Variants in FAT2 observed in about 807,000 individuals in gnomAD.
FAT2 encodes FAT atypical cadherin 2, also known as protocadherin Fat 2.
In FAT2, 150 loss-of-function variants were observed where a neutral mutation model predicts 295.3. The observed-to-expected ratio is 0.51, with a 90% confidence interval of 0.44 to 0.58. FAT2 has a LOEUF of 0.58. FAT2 is among the 20% of genes least tolerant of loss of function. The probability of loss-of-function intolerance (pLI) is 0.00; values close to 1 mark genes in which losing one functional copy is unlikely to be tolerated. For missense variants in FAT2, 4,868 were observed against 5,442.7 expected, an observed-to-expected ratio of 0.89 and a Z score of 3.32; for synonymous variants, 2,026 against 2,150.3, an observed-to-expected ratio of 0.94 and a Z score of 1.60.
chr5:151,517,890 A>T (rs1019522487), intron 19 of FAT2, 125 bp from the exon 20 acceptor site: 123 of 1,208,684 alleles, frequency 1.0e-4, no homozygotes, highest in Non-Finnish European at 1.4e-4. Context: ...ATACATGAAG[A>T]AACTAGGCTG....
rs2127610654 is a variant in FAT2 at position 151,544,846 on chromosome 5, G to A, written c.6281C>T (p.Ala2094Val). Residue 2094 changes from alanine to valine, a missense_variant, in exon 10 of 24, where the codon GCC (alanine) becomes GTC (valine). By Grantham distance (64) the Ala-to-Val change is moderately conservative. Transcript: ENST00000261800. ...ATTTGTCCCCAAGTCCTCATCAGTG[G>A]CAGATACCTGAAAGAGGACATCCCC... ...EPGDVLFQVS[A>V]TDEDLGTNGA... 1.9e-6 allele frequency: 3 copies of A among 1,614,172 alleles called. No homozygotes were observed. The highest frequency in any genetic ancestry group is 1.7e-5 in the Admixed American group (1 of 60,016).
At chr5:151,547,182 T>C (rs1455564760) in intron 9 of FAT2, among the ~76,000 whole-genome samples, 1 of 152,042 alleles carries the variant, frequency 6.6e-6, no homozygotes, top group South Asian at 2.1e-4. Context: ...TAAAAAGAAG[T>C]CAAAGAAAAA....
intron 1 of FAT2, among the ~76,000 whole-genome samples, chr5:151,573,850 A>G (rs1436761090): frequency 1.3e-5 from 2 of 152,120 alleles, no homozygotes; most frequent in African/African-American, 4.8e-5. Context: ...TAGTTGTAAC[A>G]TTCATGTCTT....
chr5:151,591,920 G>T (rs1393176312), upstream of FAT2, among the ~76,000 whole-genome samples: 1 of 152,124 alleles, frequency 6.6e-6, no homozygotes, highest in Non-Finnish European at 1.5e-5. Flanking sequence ...CCCCATAAAA[G>T]GTAATTCTTA....
chr5:151,540,912 T>C (rs1173979001), intron 10 of FAT2, 149 bp from the exon 11 acceptor site: 3 of 662,362 alleles, frequency 4.5e-6, no homozygotes, highest in East Asian at 5.7e-5. Flanking sequence ...GATTCTACAC[T>C]GAGTCCACTT....
chr5:151,585,708 C>A (rs894254330), intron 1 of FAT2, among the ~76,000 whole-genome samples: 7 of 152,118 alleles, frequency 4.6e-5, no homozygotes, highest in African/African-American at 1.7e-4. Flanking sequence ...GAGAGTGTAC[C>A]AGGGATCTGA....
In FAT2 at chr5:151,537,220, A is replaced by G. The variant is rs976265774; in HGVS notation, c.9193+573T>C. On this transcript the variant is annotated intron_variant, in intron 12 of 23. Coordinates refer to ENST00000261800, the MANE Select transcript of FAT2 (RefSeq NM_001447.3). Reference sequence around the variant, plus strand: ...GAGAGAAAGAAGAAGAGGAAGAAGAAGAGGAGGAGGAGGAAGAAGAAGAAA... The same window carrying G: ...GAGAGAAAGAAGAAGAGGAAGAAGAGGAGGAGGAGGAGGAAGAAGAAGAAA... Among the ~76,000 whole-genome samples the G allele has an allele frequency of 2.7e-4, 41 of 151,010 alleles. No individual in the cohort carries two copies. In the East Asian group the frequency reaches 2.7e-3, roughly 10 times the overall value.
In FAT2 at chr5:151,505,849, G is replaced by T. The variant is rs756948000; in HGVS notation, c.12766C>A (p.Pro4256Thr). Residue 4256 changes from proline (P) to threonine (T), a missense_variant, in exon 24 of 24, where the codon CCC becomes ACC. Coordinates refer to ENST00000261800, the MANE Select transcript of FAT2 (RefSeq NM_001447.3). ...ACCAGGCGCTCCCGGGGACTAGGGG[G>T]CCGAGAGGGCATCAGATCTTCCAGG... ...QNLEDLMPSR[P>T]PSPRERLVAP... 9.9e-6 allele frequency: 16 copies of T among 1,610,896 alleles called. No homozygotes were observed. In the African/African-American group the frequency reaches 2.0e-4, roughly 20 times the overall value.
rs752153320 is a variant in FAT2 at position 151,566,072 on chromosome 5, G to A, written c.2860C>T (p.Leu954=). 6.2e-7 allele frequency: 1 copy of A among 1,614,136 alleles called. No homozygotes were observed. The highest frequency in any genetic ancestry group is 8.5e-7 in the Non-Finnish European group (1 of 1,180,032). The change falls in exon 2 of 24, where the codon CTG becomes TTG. Residue 954 remains leucine, a synonymous_variant. Transcript: ENST00000261800. ...TATCGCACTTCACCTGCGGGGCCCA[G>A]GTCAGGATCAGAGGCATCCAGAAAT... is the stretch of plus-strand genomic sequence containing the variant. ...LTFLDASDPD[L]GPAGEVRYVL... is the part of the protein sequence containing the mutation.
intron 1 of FAT2, among the ~76,000 whole-genome samples, chr5:151,581,541 G>A (rs1758956536): frequency 6.6e-6 from 1 of 152,244 alleles, no homozygotes; most frequent in South Asian, 2.1e-4. Context: ...GCATGCAGCT[G>A]CTCACAGCTG....
At chr5:151,592,580 C>A (rs1759455185), upstream of FAT2, among the ~76,000 whole-genome samples, 2 of 152,236 alleles carry the variant, frequency 1.3e-5, no homozygotes, top group Non-Finnish European at 1.5e-5. Flanking sequence ...AGCTGAGCAG[C>A]AACTCTTCCA....
rs1756523651 is a variant in FAT2, at chr5:151,545,392, G to A, written c.5735C>T (p.Ala1912Val). The change falls in exon 10 of 24, where the codon GCT becomes GTT. Residue 1912 changes from alanine (A) to valine (V), a missense_variant. By Grantham distance (64) the Ala-to-Val change is moderately conservative. Transcript: ENST00000261800. ...EVNYSIKTGNADEAVTIHPVT... is the reference protein window; with the variant it reads ...EVNYSIKTGNVDEAVTIHPVT... ...AGGATGGATGGTAACAGCTTCATCAGCATTGCCAGTTTTGATGCTATAATT... is the reference window on the plus strand; with the variant it reads ...AGGATGGATGGTAACAGCTTCATCAACATTGCCAGTTTTGATGCTATAATT... The A allele has an allele frequency of 6.2e-7, 1 of 1,614,164 alleles. No individual in the cohort carries two copies. Among genetic ancestry groups the A allele is most frequent in the Non-Finnish European group, 8.5e-7 (1 of 1,180,020 alleles).
At position 151,505,967 on chromosome 5, in the gene FAT2, C is replaced by T; in HGVS notation, c.12648G>A (p.Met4216Ile). The T allele has an allele frequency of 6.4e-7, 1 of 1,572,582 alleles. No individual in the cohort carries two copies. The highest frequency in any genetic ancestry group is 8.6e-7 in the Non-Finnish European group (1 of 1,163,198). ...SAHRHSTPVV[M>I]PEPNGLYGGF... ...CCCCATAGAGGCCATTAGGCTCTGG[C>T]ATCACGACTGGGGTTGAGTGGCGGT... The change falls in exon 24 of 24, where the codon ATG becomes ATA. Residue 4216 changes from methionine (M) to isoleucine (I), a missense_variant. Coordinates refer to ENST00000261800, the MANE Select transcript of FAT2 (RefSeq NM_001447.3).
intron 16 of FAT2, 53 bp downstream of exon 16, chr5:151,527,943 G>C: frequency 3.1e-6 from 5 of 1,592,580 alleles, no homozygotes; most frequent in Non-Finnish European, 4.3e-6. Flanking sequence ...CCTGCAGTGG[G>C]ACTGTGTCTC....
intron 1 of FAT2, among the ~76,000 whole-genome samples, chr5:151,585,395 T>A (rs1759129808): frequency 6.6e-6 from 1 of 152,212 alleles, no homozygotes; most frequent in Non-Finnish European, 1.5e-5. Context: ...GTTGGATCAC[T>A]TGAGGTCAGG....
At position 151,553,244 on chromosome 5, in the gene FAT2, A is replaced by G. The variant is rs1477172027; in HGVS notation, c.4089T>C (p.Pro1363=). 3 of 1,614,146 alleles carry G rather than the reference A, an allele frequency of 1.9e-6. No homozygotes were observed. The highest frequency in any genetic ancestry group is 2.7e-5 in the African/African-American group (2 of 74,962). ...YYSFTVMETD[P]VNHMVGVISV... is the part of the protein sequence containing the mutation. ...TGATGACCCCCACCATGTGGTTCAC[A>G]GGGTCCGTCTCCATGACCGTAAAGC... The change falls in exon 6 of 24, where the codon CCT becomes CCC. Residue 1363 remains proline, a synonymous_variant. Coordinates refer to ENST00000261800, the MANE Select transcript of FAT2 (RefSeq NM_001447.3).
chr5:151,591,291 G>A lies in FAT2; in HGVS notation c.-147C>T, dbSNP rs183493268. Among the ~76,000 whole-genome samples, 13 of 152,312 alleles carry A rather than the reference G, an allele frequency of 8.5e-5. No homozygotes were observed. The highest frequency in any genetic ancestry group is 1.9e-4 in the East Asian group (1 of 5,180). ...CTCGGAGCAGGAAGGCGCGCAGCCC[G>A]CAGCCGGAGAGGCTGCTGAGAAAGT... On this transcript the variant is annotated 5_prime_UTR_variant, in exon 1 of 24. Transcript: ENST00000261800.
chr5:151,584,416 T>C (rs548871479), intron 1 of FAT2, among the ~76,000 whole-genome samples: 7 of 152,144 alleles, frequency 4.6e-5, no homozygotes, highest in Non-Finnish European at 8.8e-5. Flanking sequence ...TCCGTTTTCT[T>C]ATTTAATTCC....
rs770642253 is a variant in FAT2, at chr5:151,537,821, C to A, written c.9165G>T (p.Ala3055=). Residue 3055 remains alanine (A), a synonymous_variant, in exon 12 of 24, where the codon GCG becomes GCT. Transcript: ENST00000261800. ...QITYSLHGPG[A]HEFKLDPHTG... Reference sequence around the variant, plus strand: ...TATGAGGATCCAGCTTGAATTCATGCGCCCCAGGGCCATGCAGAGAATATG... The same window carrying A: ...TATGAGGATCCAGCTTGAATTCATGAGCCCCAGGGCCATGCAGAGAATATG... 3.1e-6 allele frequency: 5 copies of A among 1,608,628 alleles called. No individual in the cohort carries two copies. Among genetic ancestry groups the A allele is most frequent in the Non-Finnish European group, 4.2e-6 (5 of 1,177,028 alleles).
Sources: gnomAD v4.1 joint callset for allele counts (sites outside exome capture counted in the v4.1 genomes callset) on GRCh38, gnomAD v4.1.1 for gene constraint, MANE v1.5 for transcripts, NCBI Gene and HGNC (gene_info 2026-07-23, HGNC 2026-07-21) for gene names.